Variants in RFX7 observed in about 807,000 individuals in gnomAD.
RFX7 encodes the protein DNA-binding protein RFX7.
In RFX7, 26 loss-of-function variants were observed where a neutral mutation model predicts 111.8. The ratio of observed to expected loss-of-function variants is 0.23; its 90% confidence interval spans 0.17 to 0.32. RFX7 has a LOEUF of 0.32. Among genes scored for constraint, RFX7 ranks in the 10% least tolerant of loss-of-function variants. RFX7 has a pLI of 1.00. For missense variants in RFX7, 1,573 were observed against 1,772.9 expected (o/e 0.89, Z 2.02); for synonymous variants, 624 against 624.4 (o/e 1.00, Z 0.01).
At chr15:56,120,990 T>C (rs2042071034) in intron 5 of RFX7, among the ~76,000 whole-genome samples, 1 of 152,236 alleles carries the variant, frequency 6.6e-6, no homozygotes, top group Non-Finnish European at 1.5e-5. Flanking sequence ...GATTAGTTCA[T>C]CTATTAGTCT....
intron 5 of RFX7, among the ~76,000 whole-genome samples, chr15:56,123,699 G>A (rs2042106342): frequency 6.6e-6 from 1 of 152,212 alleles, no homozygotes; most frequent in Non-Finnish European, 1.5e-5. Context: ...GGACTCCAGA[G>A]CACTTTAGCC....
chr15:56,203,027 C>T (rs185850800), intron 2 of RFX7, among the ~76,000 whole-genome samples: 2 of 152,072 alleles, frequency 1.3e-5, no homozygotes, highest in Admixed American at 1.3e-4. Flanking sequence ...CTGCCCTCCC[C>T]CCACCAAAAA....
intron 3 of RFX7, among the ~76,000 whole-genome samples, chr15:56,158,558 T>C (rs1295102699): frequency 6.6e-6 from 1 of 152,122 alleles, no homozygotes; most frequent in African/African-American, 2.4e-5. Context: ...AGGGCAGTGG[T>C]ACAATCACAA....
intron 2 of RFX7, among the ~76,000 whole-genome samples, chr15:56,237,065 T>C (rs1386580280): frequency 2.0e-5 from 3 of 152,026 alleles, no homozygotes; most frequent in Non-Finnish European, 4.4e-5. Flanking sequence ...TGATTGCCTA[T>C]GATAAATTAA....
At chr15:56,228,020 G>A (rs1391962795) in intron 2 of RFX7, among the ~76,000 whole-genome samples, 3 of 151,988 alleles carry the variant, frequency 2.0e-5, no homozygotes, top group Admixed American at 1.3e-4. Flanking sequence ...CTTCAACACC[G>A]ATATTTCACT....
intron 5 of RFX7, among the ~76,000 whole-genome samples, chr15:56,117,395 CT>C (rs1367291959): frequency 6.6e-6 from 1 of 152,002 alleles, no homozygotes; most frequent in African/African-American, 2.4e-5. Flanking sequence ...GGTTTTGAAA[CT>C]AAGAATTTCA....
intron 2 of RFX7, among the ~76,000 whole-genome samples, chr15:56,183,042 CT>C (rs2042993009): frequency 6.6e-6 from 1 of 152,002 alleles, no homozygotes; most frequent in African/African-American, 2.4e-5. Flanking sequence ...TAAAAAGTTA[CT>C]ATTCCAATGG....
At chr15:56,243,410 G>A (rs1183611847) in intron 1 of RFX7, 35 bp downstream of exon 1, 45 of 1,091,994 alleles carry the variant, frequency 4.1e-5, no homozygotes, top group Non-Finnish European at 5.1e-5. Context: ...AGAGGAGGAG[G>A]AGGAGGAAGG....
At chr15:56,156,516 A>G (rs1261367649) in intron 3 of RFX7, among the ~76,000 whole-genome samples, 7 of 152,170 alleles carry the variant, frequency 4.6e-5, no homozygotes, top group Middle Eastern at 3.4e-3. Context: ...ACTATTTCAG[A>G]TGGTGCTGTA....
At chr15:56,139,263 T>C (rs1174636779) in intron 5 of RFX7, among the ~76,000 whole-genome samples, 4 of 150,980 alleles carry the variant, frequency 2.6e-5, no homozygotes, top group African/African-American at 7.2e-5. Flanking sequence ...CAATCAGACG[T>C]AGATTTGGTC....
chr15:56,205,221 G>C lies in RFX7; in HGVS notation c.162-25918C>G, dbSNP rs185293916. The stretch of plus-strand genomic sequence containing the variant: ...GAGTAACACTTTAGTTTTCAGAGCA[G>C]ATAGCTGTAATTGCCAGTAGCAGGA... On this transcript the variant is annotated intron_variant, in intron 2 of 9. Coordinates refer to ENST00000559447, the MANE Select transcript of RFX7 (RefSeq NM_022841.7). Among the ~76,000 whole-genome samples, 89 of 152,340 alleles carry C rather than the reference G, an allele frequency of 5.8e-4. 1 individual carries two copies. Among genetic ancestry groups the C allele is most frequent in the Non-Finnish European group, 9.7e-4 (66 of 68,038 alleles).
chr15:56,183,719 C>G (rs2141144429), intron 2 of RFX7, among the ~76,000 whole-genome samples: 1 of 152,202 alleles, frequency 6.6e-6, no homozygotes, highest in Admixed American at 6.5e-5. Flanking sequence ...GTGAATTTTT[C>G]AATCGGGTTT....
At chr15:56,156,370 A>C (rs1170547741) in intron 3 of RFX7, among the ~76,000 whole-genome samples, 3 of 152,124 alleles carry the variant, frequency 2.0e-5, no homozygotes, top group African/African-American at 7.3e-5. Context: ...CATTTACAAG[A>C]TGCTAACCTT....
rs2041659078 is a variant in RFX7 at position 56,095,360 on chromosome 15, C to T, written c.2368G>A (p.Glu790Lys). The change falls in exon 10 of 10, where the codon GAG (glutamate) becomes AAG (lysine). Residue 790 changes from glutamate (E) to lysine (K), a missense_variant. Coordinates refer to ENST00000559447, the MANE Select transcript of RFX7 (RefSeq NM_022841.7). ...TGTTCACAACTGGCAGATATAAACT[C>T]AGAATCTTTAGTGATTTGTTGCCAT... ...NGWQQITKDSEFISASCEQQQ... is the reference protein window; with the variant it reads ...NGWQQITKDSKFISASCEQQQ... 1 of 1,613,864 alleles carries T rather than the reference C, an allele frequency of 6.2e-7. No individual in the cohort carries two copies. The highest frequency in any genetic ancestry group is 8.5e-7 in the Non-Finnish European group (1 of 1,179,874).
Position 56,101,769 on chromosome 15 carries a change from C to T in RFX7, c.604-203G>A, listed in dbSNP as rs144027091. On this transcript the variant is annotated intron_variant, in intron 7 of 9. Transcript: ENST00000559447. ...TAGTGCACAGCAGTCAGCAGCCTTGCGAATATAACATTTTAAATGGTTTTT... is the reference window on the plus strand; with the variant it reads ...TAGTGCACAGCAGTCAGCAGCCTTGTGAATATAACATTTTAAATGGTTTTT... Among the ~76,000 whole-genome samples, 167 of 152,162 alleles carry T rather than the reference C, an allele frequency of 1.1e-3. 1 individual carries two copies. Among genetic ancestry groups the T allele is most frequent in the African/African-American group, 3.8e-3 (158 of 41,506 alleles).
intron 5 of RFX7, among the ~76,000 whole-genome samples, chr15:56,116,090 T>C (rs1180663955): frequency 6.6e-6 from 1 of 152,230 alleles, no homozygotes; most frequent in African/African-American, 2.4e-5. Context: ...CATCTTTGAA[T>C]TTCCATCCAG....
rs1269572931 is a variant in RFX7, at chr15:56,087,301, A to G, written c.*6044T>C. 1.4e-5 allele frequency: 5 copies of G among 369,612 alleles called. No individual in the cohort carries two copies. The highest frequency in any genetic ancestry group is 1.1e-5 in the Non-Finnish European group (2 of 185,350). 22.9% of individuals were successfully genotyped at this position (369,612 alleles called of 1,614,324 possible). A position where few individuals can be genotyped will look rare whatever the true frequency, so the allele number is the denominator to read the frequency against. On this transcript the variant is annotated 3_prime_UTR_variant, in exon 10 of 10. Transcript: ENST00000559447. ...TAAATGTGAGTTAAACCAGAAAGAC[A>G]TTTATTTCTCTCATGTAAAACACAT...
At position 56,093,413 on chromosome 15, in the gene RFX7, A is replaced by C. The variant is rs746585797; in HGVS notation, c.4315T>G (p.Ser1439Ala). 3 of 1,613,702 alleles carry C rather than the reference A, an allele frequency of 1.9e-6. No individual in the cohort carries two copies. The highest frequency in any genetic ancestry group is 3.3e-4 in the Middle Eastern group (2 of 6,060). The change falls in exon 10 of 10, where the codon TCT (serine) becomes GCT (alanine). Residue 1439 changes from serine (S) to alanine (A), a missense_variant. Transcript: ENST00000559447. ...FQQICSESMN[S>A]MTSSGFEWIE... Reference sequence around the variant, plus strand: ...CATTCAAAACCTGATGAAGTCATAGAATTCATGGATTCACTGCAAATTTGT... The same window carrying C: ...CATTCAAAACCTGATGAAGTCATAGCATTCATGGATTCACTGCAAATTTGT...
Position 56,093,819 on chromosome 15 carries a change from A to T in RFX7, c.3909T>A (p.Asp1303Glu). ...FPSANPQNMI[D>E]SSTSVYEFQT... ...GGAACTCATAAACAGAAGTGCTGGA[A>T]TCGATCATATTTTGTGGGTTGGCAC... The change falls in exon 10 of 10, where the codon GAT (aspartate) becomes GAA (glutamate). Residue 1303 changes from aspartate to glutamate, a missense_variant. Around this residue, in one of 7 missense-constraint regions of RFX7, gnomAD observed 411 missense variants for 478.1 expected, o/e 0.86. Coordinates refer to ENST00000559447, the MANE Select transcript of RFX7 (RefSeq NM_022841.7). 1.2e-6 allele frequency: 2 copies of T among 1,613,972 alleles called. No individual in the cohort carries two copies. The highest frequency in any genetic ancestry group is 1.7e-6 in the Non-Finnish European group (2 of 1,179,870).
Sources: allele counts gnomAD v4.1 joint callset (sites outside exome capture counted in the v4.1 genomes callset), GRCh38; gene constraint gnomAD v4.1.1; regional missense constraint gnomAD v4.1.1; transcripts MANE v1.5; gene names NCBI Gene and HGNC (gene_info 2026-07-23, HGNC 2026-07-21).